Variants in HS1BP3 observed in about 807,000 individuals in gnomAD.
The protein encoded by HS1BP3 is HCLS1 binding protein 3.
In HS1BP3, 32 loss-of-function variants were observed where a neutral mutation model predicts 33.5. The observed-to-expected ratio is 0.95, with a 90% CI of 0.72 to 1.28. The LOEUF is 1.28. Ranked by LOEUF, HS1BP3 falls within the 50% of genes most tolerant of loss-of-function variation. HS1BP3 has a pLI of 0.00. For missense variants in HS1BP3, 486 were observed against 502.3 expected (o/e 0.97, Z 0.31); for synonymous variants, 187 against 209.2 (o/e 0.89, Z 0.92).
intron 5 of HS1BP3, among the ~76,000 whole-genome samples, chr2:20,585,710 C>T (rs2149277262): frequency 6.6e-6 from 1 of 152,338 alleles, no homozygotes; most frequent in African/African-American, 2.4e-5. Context: ...CTGCAGTGAT[C>T]CCAGCTCTTC....
intron 5 of HS1BP3, among the ~76,000 whole-genome samples, chr2:20,586,049 A>G (rs1191539508): frequency 6.6e-6 from 1 of 152,232 alleles, no homozygotes; most frequent in Admixed American, 6.5e-5. Context: ...CCGTGGCTGC[A>G]CTGCCGAGGC....
downstream of HS1BP3, among the ~76,000 whole-genome samples, chr2:20,588,567 G>C (rs1693737435): frequency 1.3e-5 from 2 of 152,142 alleles, no homozygotes; most frequent in South Asian, 2.1e-4. Context: ...TGATCCGACT[G>C]CCTCGGCCTC....
chr2:20,633,464 C>T lies in HS1BP3; in HGVS notation c.623+4972G>A, dbSNP rs115241410. Among the ~76,000 whole-genome samples, 1,308 of 152,308 alleles carry T rather than the reference C, an allele frequency of 8.6e-3. 16 individuals carry two copies. Among genetic ancestry groups the T allele is most frequent in the African/African-American group, 0.029 (1,207 of 41,574 alleles). On this transcript the variant is annotated intron_variant, in intron 4 of 6. Coordinates refer to ENST00000304031, the MANE Select transcript of HS1BP3 (RefSeq NM_022460.4). ...GAAACCACTGGTACATCTGTTGTTC[C>T]TAACAGCCCATTCATTCAGGCAGGA...
intron 5 of HS1BP3, among the ~76,000 whole-genome samples, chr2:20,568,519 A>C (rs1482779981): frequency 1.3e-5 from 2 of 152,164 alleles, no homozygotes; most frequent in East Asian, 3.9e-4. Flanking sequence ...ACAGGATCAG[A>C]CTTGTGGCTT....
At chr2:20,629,328 A>G (rs572598326) in intron 4 of HS1BP3, among the ~76,000 whole-genome samples, 1 of 152,148 alleles carries the variant, frequency 6.6e-6, no homozygotes, top group Admixed American at 6.5e-5. Flanking sequence ...CTCCATTCCT[A>G]TATCAGCATC....
At chr2:20,582,366 G>A (rs371334846) in intron 5 of HS1BP3, among the ~76,000 whole-genome samples, 12 of 152,194 alleles carry the variant, frequency 7.9e-5, no homozygotes, top group African/African-American at 2.4e-4. Context: ...CTGGTCTACC[G>A]GAGGTGTGCA....
At chr2:20,628,549 C>T (rs62122090) in intron 4 of HS1BP3, among the ~76,000 whole-genome samples, 16,688 of 151,800 alleles carry the variant, frequency 0.11, 928 homozygotes, top group Middle Eastern at 0.14. Flanking sequence ...GCATAAGAAT[C>T]GCTTGAACCC....
intron 2 of HS1BP3, among the ~76,000 whole-genome samples, chr2:20,599,490 C>A (rs1694021029): frequency 6.6e-6 from 1 of 152,166 alleles, no homozygotes; most frequent in South Asian, 2.1e-4. Context: ...ACACACCAAA[C>A]CGGGATGCTA....
At chr2:20,607,349 T>C (rs1694215414) in intron 2 of HS1BP3, among the ~76,000 whole-genome samples, 1 of 152,020 alleles carries the variant, frequency 6.6e-6, no homozygotes, top group African/African-American at 2.4e-5. Flanking sequence ...AGAGACAGGG[T>C]TTCACCATGT....
intron 5 of HS1BP3, among the ~76,000 whole-genome samples, chr2:20,576,744 A>G (rs902224385): frequency 6.6e-6 from 1 of 152,210 alleles, no homozygotes; most frequent in African/African-American, 2.4e-5. Flanking sequence ...ACAGAAATGG[A>G]AGTTGACCTG....
intron 4 of HS1BP3, 67 bp downstream of exon 4, chr2:20,638,369 A>AG (rs1695221368): frequency 6.9e-7 from 1 of 1,445,790 alleles, no homozygotes; most frequent in Non-Finnish European, 9.5e-7. Flanking sequence ...ATTCCAGGGA[A>AG]GGGGGACGTC....
downstream of HS1BP3, among the ~76,000 whole-genome samples, chr2:20,590,061 A>T (rs1693774502): frequency 3.3e-5 from 5 of 152,174 alleles, no homozygotes; most frequent in Admixed American, 2.6e-4. Context: ...CTAGCACATC[A>T]GAGACCACCC....
intron 5 of HS1BP3, among the ~76,000 whole-genome samples, chr2:20,565,216 T>C (rs1228766757): frequency 6.6e-6 from 1 of 152,118 alleles, no homozygotes; most frequent in Non-Finnish European, 1.5e-5. Flanking sequence ...TGCCCGGCTG[T>C]GTATAGGGGA....
intron 3 of HS1BP3, among the ~76,000 whole-genome samples, chr2:20,594,933 C>A (rs1008964128): frequency 3.9e-5 from 6 of 152,136 alleles, no homozygotes; most frequent in Non-Finnish European, 7.4e-5. Flanking sequence ...GCCCTAATCT[C>A]TTCCAAAGGC....
chr2:20,578,681 A>G (rs4666315), intron 5 of HS1BP3, among the ~76,000 whole-genome samples: 132,072 of 152,244 alleles, frequency 0.87, 57,836 homozygotes, highest in Admixed American at 0.93. Context: ...AGGGCTGGCC[A>G]TGGGTGAGGC....
chr2:20,594,499 T>G (rs1462204101), intron 3 of HS1BP3, among the ~76,000 whole-genome samples: 4 of 152,188 alleles, frequency 2.6e-5, no homozygotes, highest in Admixed American at 2.6e-4. Context: ...GGGGTTGAAG[T>G]TGCAGGGCAG....
downstream of HS1BP3, among the ~76,000 whole-genome samples, chr2:20,557,444 T>G (rs1312273017): frequency 6.6e-6 from 1 of 152,242 alleles, no homozygotes; most frequent in Non-Finnish European, 1.5e-5. Context: ...AGGTTGTGAC[T>G]TCTTTGATCT....
chr2:20,624,839 G>A lies in HS1BP3; in HGVS notation c.677C>T (p.Pro226Leu). ...CTCCTCGTCAAAGATGGTGAGCCGG[G>A]GCGAGGGCTTGGCTTTCACGGCCAC... ...PKVAVKAKPS[P>L]RLTIFDEEVD... Residue 226 changes from proline to leucine, a missense_variant, in exon 5 of 7, where the codon CCC becomes CTC. Coordinates refer to ENST00000304031, the MANE Select transcript of HS1BP3 (RefSeq NM_022460.4). 6.2e-7 allele frequency: 1 copy of A among 1,613,892 alleles called. No individual in the cohort carries two copies. The highest frequency in any genetic ancestry group is 8.5e-7 in the Non-Finnish European group (1 of 1,179,968).
chr2:20,624,077 G>A (rs757635018), intron 5 of HS1BP3, 46 bp from the exon 6 acceptor site: 1 of 1,598,144 alleles, frequency 6.3e-7, no homozygotes. Context: ...CCTCTAGGCT[G>A]GGATGCCATG....
Sources: allele counts gnomAD v4.1 joint callset (sites outside exome capture counted in the v4.1 genomes callset), GRCh38; gene constraint gnomAD v4.1.1; transcripts MANE v1.5; gene names NCBI Gene and HGNC (gene_info 2026-07-23, HGNC 2026-07-21).